The following EDN1 variants were observed in gnomAD, a reference collection of about 807,000 sequenced individuals.
EDN1 encodes the protein endothelin 1, also known as endothelin-1.
In EDN1, 11 loss-of-function variants were observed where a neutral mutation model predicts 21.7. The observed-to-expected ratio is 0.51, with a 90% CI of 0.32 to 0.84. EDN1 has a LOEUF of 0.84. EDN1 is among the 40% of genes least tolerant of loss of function. EDN1 has a pLI of 0.03. For synonymous variants in EDN1, 85 were observed against 90.6 expected, an observed-to-expected ratio of 0.94 and a Z score of 0.35; for missense variants, 244 against 262.3, an observed-to-expected ratio of 0.93 and a Z score of 0.48.
At chr6:12,258,440 A>C in the EDN1 span, among the ~76,000 whole-genome samples, 34 of 101,492 alleles carry the variant, frequency 3.4e-4, no homozygotes, top group East Asian at 0.012. Flanking sequence ...TCGGAGTGAG[A>C]TCATGTCTCA....
At chr6:12,256,385 C>T in the EDN1 span, among the ~76,000 whole-genome samples, 1 of 151,872 alleles carries the variant, frequency 6.6e-6, no homozygotes, top group Non-Finnish European at 1.5e-5. Flanking sequence ...ACAAAAGACC[C>T]CCCGCCCCCT....
chr6:12,293,318 T>C (rs1195033353), intron 2 of EDN1, among the ~76,000 whole-genome samples: 2 of 152,198 alleles, frequency 1.3e-5, no homozygotes, highest in Non-Finnish European at 2.9e-5. Flanking sequence ...AGGACTTTAT[T>C]TCTTAGATGA....
the EDN1 span, among the ~76,000 whole-genome samples, chr6:12,281,484 C>A: frequency 1.5e-4 from 17 of 110,924 alleles, no homozygotes; most frequent in African/African-American, 6.3e-4. Context: ...ATAAGTGGCA[C>A]ATGATATTTT....
rs745520110 is a variant in EDN1 at position 12,290,697 on chromosome 6, G to C, written c.64+4G>C. The C allele has an allele frequency of 1.9e-6, 3 of 1,613,042 alleles. No individual in the cohort carries two copies. The highest frequency in any genetic ancestry group is 2.5e-6 in the Non-Finnish European group (3 of 1,179,010). On this transcript the variant is annotated splice_donor_region_variant and intron_variant, in intron 1 of 4. Transcript: ENST00000379375. ...TGCCAAGGAGCTCCAGAAACAGGTA[G>C]GCACGCTCGTTGACTTGTAAGTCTC...
the EDN1 span, among the ~76,000 whole-genome samples, chr6:12,250,712 G>A: frequency 0.011 from 1,716 of 152,154 alleles, 27 homozygotes; most frequent in African/African-American, 0.04. Flanking sequence ...AATTTTTATC[G>A]CACCATAAAA....
the EDN1 span, among the ~76,000 whole-genome samples, chr6:12,241,543 G>A: frequency 1.3e-5 from 2 of 152,198 alleles, no homozygotes; most frequent in East Asian, 3.9e-4. Flanking sequence ...GGTTTTTATA[G>A]GCCCAGCACT....
Position 12,290,410 on chromosome 6 carries a change from A to G in EDN1, c.-220A>G, listed in dbSNP as rs1288032831. The stretch of plus-strand genomic sequence containing the variant: ...GGCGAACGGGTCCTGCGCCTCCTGC[A>G]GTCCCAGCTCTCCACCGCCGCGTGC... On this transcript the variant is annotated 5_prime_UTR_variant, in exon 1 of 5. Coordinates refer to ENST00000379375, the MANE Select transcript of EDN1 (RefSeq NM_001955.5). The G allele has an allele frequency of 1.7e-6, 1 of 583,114 alleles. No homozygotes were observed. The highest frequency in any genetic ancestry group is 3.0e-6 in the Non-Finnish European group (1 of 328,274). 36.1% of individuals were successfully genotyped at this position (583,114 alleles called of 1,614,324 possible).
At chr6:12,247,777 G>C in the EDN1 span, among the ~76,000 whole-genome samples, 1 of 151,944 alleles carries the variant, frequency 6.6e-6, no homozygotes, top group East Asian at 1.9e-4. Context: ...GACCTCAGGT[G>C]ATCCACCTGC....
chr6:12,244,627 A>T, the EDN1 span, among the ~76,000 whole-genome samples: 8 of 152,378 alleles, frequency 5.3e-5, no homozygotes, highest in East Asian at 1.5e-3. Flanking sequence ...TCCATGCAAA[A>T]ATAGGCTATT....
chr6:12,231,467 C>A, the EDN1 span, among the ~76,000 whole-genome samples: 1 of 152,188 alleles, frequency 6.6e-6, no homozygotes, highest in African/African-American at 2.4e-5. Flanking sequence ...TATGCATTTG[C>A]TGCCCAGCTT....
At chr6:12,260,874 G>T in the EDN1 span, among the ~76,000 whole-genome samples, 1 of 152,116 alleles carries the variant, frequency 6.6e-6, no homozygotes, top group African/African-American at 2.4e-5. Context: ...GCAAAGATTT[G>T]TTGAAATGCT....
chr6:12,254,555 G>A, the EDN1 span, among the ~76,000 whole-genome samples: 2 of 152,008 alleles, frequency 1.3e-5, no homozygotes, highest in Non-Finnish European at 2.9e-5. Context: ...ATCCAGAAGG[G>A]GTTTTAATAT....
chr6:12,253,573 T>C, the EDN1 span, among the ~76,000 whole-genome samples: 1 of 152,168 alleles, frequency 6.6e-6, no homozygotes, highest in Non-Finnish European at 1.5e-5. Flanking sequence ...AGAAAAGACT[T>C]TAATTTCCAG....
chr6:12,253,075 C>T, the EDN1 span, among the ~76,000 whole-genome samples: 3 of 152,042 alleles, frequency 2.0e-5, no homozygotes, highest in Non-Finnish European at 2.9e-5. Context: ...TTCTTTGTGG[C>T]GAGGACCATA....
chr6:12,294,792 A>C (rs1762779697), intron 4 of EDN1, among the ~76,000 whole-genome samples: 1 of 152,228 alleles, frequency 6.6e-6, no homozygotes, highest in Non-Finnish European at 1.5e-5. Context: ...CATTTAGAAA[A>C]AGAATCAAAG....
chr6:12,272,496 C>T, the EDN1 span, among the ~76,000 whole-genome samples: 3 of 127,366 alleles, frequency 2.4e-5, no homozygotes, highest in Admixed American at 9.5e-5. Context: ...TCTCTCTTGT[C>T]GCCCAGGCTG....
the EDN1 span, among the ~76,000 whole-genome samples, chr6:12,231,201 T>G: frequency 2.6e-5 from 4 of 152,206 alleles, no homozygotes; most frequent in African/African-American, 9.6e-5. Context: ...AGCACTTACT[T>G]TCTGCCAGGA....
At chr6:12,282,136 C>T in the EDN1 span, among the ~76,000 whole-genome samples, 19 of 152,182 alleles carry the variant, frequency 1.2e-4, no homozygotes, top group African/African-American at 4.6e-4. Flanking sequence ...CTCTTTGCTC[C>T]ATTTTGTTGG....
chr6:12,291,889 C>T (rs189114911), intron 1 of EDN1, among the ~76,000 whole-genome samples: 90 of 152,342 alleles, frequency 5.9e-4, no homozygotes, highest in African/African-American at 2.1e-3. Flanking sequence ...GAGGGTCATC[C>T]TGAATGGGGA....
Sources: gnomAD v4.1 joint callset for allele counts (sites outside exome capture counted in the v4.1 genomes callset) on GRCh38, gnomAD v4.1.1 for gene constraint, MANE v1.5 for transcripts, NCBI Gene and HGNC (gene_info 2026-07-23, HGNC 2026-07-21) for gene names.